The following SREBF2 variants were observed in gnomAD, a reference collection of about 807,000 sequenced individuals.
SREBF2 encodes sterol regulatory element binding transcription factor 2, also known as sterol regulatory element-binding protein 2.
Under a neutral mutation model 113.1 loss-of-function variants are expected in SREBF2, and 55 were observed. The observed-to-expected ratio is 0.49, with a 90% confidence interval of 0.39 to 0.61. The LOEUF (loss-of-function observed/expected upper bound fraction) is 0.61. Among genes scored for constraint, SREBF2 ranks in the 20% least tolerant of loss-of-function variants. SREBF2 has a pLI of 0.00. For missense variants in SREBF2, 1,349 were observed against 1,487.4 expected, an observed-to-expected ratio of 0.91 and a Z score of 1.53; for synonymous variants, 593 against 605.7, an observed-to-expected ratio of 0.98 and a Z score of 0.31.
intron 12 of SREBF2, among the ~76,000 whole-genome samples, chr22:41,894,179 T>G (rs1308885978): frequency 6.6e-6 from 1 of 152,178 alleles, no homozygotes; most frequent in Non-Finnish European, 1.5e-5. Context: ...TTACTTGGAA[T>G]GTGTTCATAA....
chr22:41,837,296 G>T (rs1012356644), intron 1 of SREBF2, among the ~76,000 whole-genome samples: 1 of 152,128 alleles, frequency 6.6e-6, no homozygotes, highest in African/African-American at 2.4e-5. Context: ...AGTGGCTCAT[G>T]CCTGTAATCC....
At position 41,877,377 on chromosome 22, in the gene SREBF2, A is replaced by G; in HGVS notation, c.1535A>G (p.His512Arg). ...GGAGGGGCCCACGACTCTGACCAGC[A>G]CCCACACTCAGGCTCTGGCCGCAGT... ...QWGGAHDSDQ[H>R]PHSGSGRSVL... is the part of the protein sequence containing the mutation. The change falls in exon 8 of 19, where the codon CAC becomes CGC. Residue 512 changes from histidine (H) to arginine (R), a missense_variant. By Grantham distance (29) the His-to-Arg change is conservative. Coordinates refer to ENST00000361204, the MANE Select transcript of SREBF2 (RefSeq NM_004599.4). 6.2e-7 allele frequency: 1 copy of G among 1,614,074 alleles called. No individual in the cohort carries two copies.
At chr22:41,896,293 T>A (rs1208010064) in intron 13 of SREBF2, among the ~76,000 whole-genome samples, 1 of 152,200 alleles carries the variant, frequency 6.6e-6, no homozygotes, top group Non-Finnish European at 1.5e-5. Flanking sequence ...AGTCCTTCTT[T>A]CACAGAGTAA....
chr22:41,862,758 G>A (rs1011006562), intron 1 of SREBF2, among the ~76,000 whole-genome samples: 1 of 152,176 alleles, frequency 6.6e-6, no homozygotes, highest in African/African-American at 2.4e-5. Flanking sequence ...GGCTCTGCGT[G>A]CCCTTCTGGA....
chr22:41,902,439 G>A (rs1163678058), intron 16 of SREBF2, among the ~76,000 whole-genome samples: 1 of 152,142 alleles, frequency 6.6e-6, no homozygotes, highest in Non-Finnish European at 1.5e-5. Context: ...GGCAAAGCCG[G>A]GTCAGTAGGC....
At chr22:41,904,802 C>T in intron 17 of SREBF2, 61 bp from the exon 18 acceptor site, 1 of 1,352,566 alleles carries the variant, frequency 7.4e-7, no homozygotes, top group Non-Finnish European at 1.0e-6. Context: ...GGGAGAGCTA[C>T]CCTGGGCATA....
intron 7 of SREBF2, among the ~76,000 whole-genome samples, 164 bp downstream of exon 7, chr22:41,875,888 G>GA (rs971674238): frequency 6.6e-6 from 1 of 152,306 alleles, no homozygotes; most frequent in African/African-American, 2.4e-5. Context: ...AATAAAGAAA[G>GA]AAAAAACTGA....
At chr22:41,895,297 G>T (rs2077403693) in intron 13 of SREBF2, among the ~76,000 whole-genome samples, 1 of 151,988 alleles carries the variant, frequency 6.6e-6, no homozygotes, top group Non-Finnish European at 1.5e-5. Flanking sequence ...CTGCCACCAT[G>T]CCCGGCTAAT....
chr22:41,854,439 G>C lies in SREBF2; in HGVS notation c.89-12392G>C, dbSNP rs2076959764. On this transcript the variant is annotated intron_variant, in intron 1 of 18. Transcript: ENST00000361204. ...GGCCTCCCAAAGTGCTGAGATTGCA[G>C]GGGTGAACCACCATGCCCGGCCTGG... 2.0e-5 allele frequency among the ~76,000 whole-genome samples: 3 copies of C among 151,988 alleles called. No individual in the cohort carries two copies. In the South Asian group the frequency reaches 6.2e-4, roughly 32 times the overall value.
chr22:41,894,417 C>T (rs1355574582), intron 12 of SREBF2, among the ~76,000 whole-genome samples: 2 of 152,192 alleles, frequency 1.3e-5, no homozygotes, highest in African/African-American at 2.4e-5. Context: ...TTGTCATGAG[C>T]GTGGCAGCAG....
At chr22:41,879,975 A>T (rs577303689) in intron 9 of SREBF2, among the ~76,000 whole-genome samples, 1,907 of 152,160 alleles carry the variant, frequency 0.013, 44 homozygotes, top group African/African-American at 0.043. Flanking sequence ...AGGTGGGGGG[A>T]TTGCTTGAGC....
intron 1 of SREBF2, among the ~76,000 whole-genome samples, chr22:41,839,744 A>G (rs1481268712): frequency 6.6e-6 from 1 of 152,162 alleles, no homozygotes; most frequent in Admixed American, 6.5e-5. Flanking sequence ...GCATGGACAC[A>G]CCGCATTCTG....
chr22:41,864,477 C>G (rs1042395175), intron 1 of SREBF2, among the ~76,000 whole-genome samples: 5 of 150,858 alleles, frequency 3.3e-5, no homozygotes, highest in Non-Finnish European at 7.4e-5. Context: ...CCCACCACCA[C>G]GCCCAGCTAA....
At chr22:41,854,072 T>G (rs2076956020) in intron 1 of SREBF2, among the ~76,000 whole-genome samples, 2 of 151,922 alleles carry the variant, frequency 1.3e-5, no homozygotes, top group Admixed American at 1.3e-4. Flanking sequence ...GATCACCATT[T>G]TTATAAGTTG....
chr22:41,835,813 G>C (rs1472034509), intron 1 of SREBF2, among the ~76,000 whole-genome samples: 1 of 152,152 alleles, frequency 6.6e-6, no homozygotes, highest in Non-Finnish European at 1.5e-5. Context: ...ATATGGTAGA[G>C]CCAGTCTCAC....
Position 41,833,265 on chromosome 22 carries a change from C to G in SREBF2, c.-6C>G, listed in dbSNP as rs1280011261. 1 of 1,459,390 alleles carries G rather than the reference C, an allele frequency of 6.9e-7. No individual in the cohort carries two copies. Among genetic ancestry groups the G allele is most frequent in the African/African-American group, 1.5e-5 (1 of 67,666 alleles). The allele number at this position is 1,459,390 out of a possible 1,614,324, so 90.4% of individuals were successfully genotyped here. ...GGCAGGGGGGGCTTCTGCGCTGAGCCGGGCGATGGACGACAGCGGCGAGCT... is the reference window on the plus strand; with the variant it reads ...GGCAGGGGGGGCTTCTGCGCTGAGCGGGGCGATGGACGACAGCGGCGAGCT... On this transcript the variant is annotated 5_prime_UTR_variant, in exon 1 of 19. Transcript: ENST00000361204. The surrounding 1 kb of genome is among the most constrained non-coding windows in gnomAD (Gnocchi z 4.1).
chr22:41,852,102 TAGAG>T (rs557424776), intron 1 of SREBF2, among the ~76,000 whole-genome samples: 38 of 151,102 alleles, frequency 2.5e-4, no homozygotes, highest in Non-Finnish European at 5.2e-4. Context: ...GCCTGGGCGA[TAGAG>T]AGAGACTCCA....
Position 41,905,983 on chromosome 22 carries a change from C to A in SREBF2, c.*323C>A. 1.8e-6 allele frequency: 1 copy of A among 570,268 alleles called. No homozygotes were observed. The highest frequency in any genetic ancestry group is 3.3e-6 in the Non-Finnish European group (1 of 300,772). The allele number at this position is 570,268 out of a possible 1,614,324, so 35.3% of individuals were successfully genotyped here. A position where few individuals can be genotyped will look rare whatever the true frequency, so the allele number is the denominator to read the frequency against. On this transcript the variant is annotated 3_prime_UTR_variant, in exon 19 of 19. Transcript: ENST00000361204. ...TTCCTGAGTTTCTCTCTCCTGAACC[C>A]TACTCTCTCCTTTTTGCTTCCTCAG...
At chr22:41,891,723 C>A (rs1489694575) in intron 11 of SREBF2, among the ~76,000 whole-genome samples, 1 of 152,190 alleles carries the variant, frequency 6.6e-6, no homozygotes, top group South Asian at 2.1e-4. Flanking sequence ...CTGCGGGCCT[C>A]GGCCTGGCAG....
Sources: gnomAD v4.1 joint callset for allele counts (sites outside exome capture counted in the v4.1 genomes callset) on GRCh38, gnomAD v4.1.1 for gene constraint, Gnocchi (gnomAD v3.1) non-coding constraint, MANE v1.5 for transcripts, NCBI Gene and HGNC (gene_info 2026-07-23, HGNC 2026-07-21) for gene names.